Variants in TBCEL observed in about 807,000 individuals in gnomAD.
TBCEL encodes tubulin-specific chaperone cofactor E-like protein.
A neutral mutation model predicts 44.2 loss-of-function variants in TBCEL; 15 were observed. That is an observed-to-expected ratio of 0.34 (90% CI 0.23 to 0.52). TBCEL has a LOEUF of 0.52. Ranked by LOEUF, TBCEL falls within the 20% of genes least tolerant of loss-of-function variation. The pLI is 0.95. For synonymous variants in TBCEL, 171 were observed against 185.4 expected, an observed-to-expected ratio of 0.92 and a Z score of 0.63; for missense variants, 319 against 506.3, an observed-to-expected ratio of 0.63 and a Z score of 3.55.
At chr11:121,082,275 A>G (rs989208544) in intron 8 of TBCEL, among the ~76,000 whole-genome samples, 11 of 152,208 alleles carry the variant, frequency 7.2e-5, no homozygotes, top group African/African-American at 2.7e-4. Context: ...GCTGTTTTCT[A>G]TATCAGAGGC....
chr11:121,025,308 A>G (rs1202570048), intron 1 of TBCEL, among the ~76,000 whole-genome samples: 1 of 152,134 alleles, frequency 6.6e-6, no homozygotes, highest in Non-Finnish European at 1.5e-5. Context: ...ATCTTGAGCA[A>G]AGAGTATGAA....
Position 121,061,616 on chromosome 11 carries a change from T to C in TBCEL, c.956+1531T>C, listed in dbSNP as rs979848206. On this transcript the variant is annotated intron_variant, in intron 8 of 8. Transcript: ENST00000683345. ...AAACCTGTACAGCATGTGACTATAA[T>C]GAATGTTGTAACACAATGGTAAGTA... is the stretch of plus-strand genomic sequence containing the variant. 4.6e-5 allele frequency among the ~76,000 whole-genome samples: 7 copies of C among 152,122 alleles called. 1 individual carries two copies. Among genetic ancestry groups the C allele is most frequent in the Admixed American group, 2.0e-4 (3 of 15,264 alleles).
rs182558366 is a variant in TBCEL, at chr11:121,066,717, T to G, written c.956+6632T>G. The stretch of plus-strand genomic sequence containing the variant: ...ATGTATTTGTTATGAAATAACGATA[T>G]ATAAACAGAGTATTAGTATTATACT... On this transcript the variant is annotated intron_variant, in intron 8 of 8. Transcript: ENST00000683345. 1.1e-3 allele frequency among the ~76,000 whole-genome samples: 160 copies of G among 152,334 alleles called. 1 individual carries two copies. Among genetic ancestry groups the G allele is most frequent in the African/African-American group, 3.4e-3 (140 of 41,582 alleles).
At position 121,050,533 on chromosome 11, in the gene TBCEL, A is replaced by AT. The variant is rs201762650; in HGVS notation, c.273+2875dup. ...GGGCACCTATGTTTAAAAATAATGC[A>AT]TTTTTTTTTAGCTTTTGACTTGAAT... On this transcript the variant is annotated intron_variant, in intron 4 of 8. Transcript: ENST00000683345. Among the ~76,000 whole-genome samples the AT allele has an allele frequency of 1.3e-3, 195 of 150,356 alleles. 3 individuals are homozygous for AT. The East Asian group carries it at 0.025, about 19-fold the overall frequency.
At chr11:121,035,126 G>A (rs1245197568) in intron 1 of TBCEL, 1 of 152,202 alleles carries the variant, frequency 6.6e-6, no homozygotes, top group Non-Finnish European at 1.5e-5. Flanking sequence ...GATGATGGTA[G>A]TAGTAATAGG....
chr11:121,060,420 C>G (rs778740498), intron 8 of TBCEL, among the ~76,000 whole-genome samples: 6 of 151,764 alleles, frequency 4.0e-5, no homozygotes, highest in Non-Finnish European at 8.8e-5. Flanking sequence ...CCAAATTAGT[C>G]TGTTCATTCA....
chr11:121,067,885 G>C (rs1233676717), intron 8 of TBCEL, among the ~76,000 whole-genome samples: 1 of 152,184 alleles, frequency 6.6e-6, no homozygotes, highest in African/African-American at 2.4e-5. Flanking sequence ...GAGGCACTGG[G>C]CTTCAAGCTA....
intron 8 of TBCEL, among the ~76,000 whole-genome samples, chr11:121,075,547 A>G (rs1020133965): frequency 6.6e-6 from 1 of 151,972 alleles, no homozygotes; most frequent in African/African-American, 2.4e-5. Context: ...CAGGAATTTT[A>G]TTAAACTTAT....
intron 7 of TBCEL, 127 bp from the exon 8 acceptor site, chr11:121,059,842 C>A: frequency 1.5e-6 from 1 of 672,586 alleles, no homozygotes; most frequent in Non-Finnish European, 2.5e-6. Context: ...TAGTTGTATA[C>A]AAATGGAACT....
chr11:121,072,735 A>G (rs1466266769), intron 8 of TBCEL, among the ~76,000 whole-genome samples: 1 of 152,058 alleles, frequency 6.6e-6, no homozygotes, highest in Non-Finnish European at 1.5e-5. Context: ...TGATTTGTCT[A>G]TCCTTAACTC....
Position 121,045,836 on chromosome 11 carries a change from G to A in TBCEL, c.133+13G>A, listed in dbSNP as rs758005730. ...TCTCCTATGAAAGGTAAGAAAGATG[G>A]GACCTAAAACACTTATTTAGTGGAG... On this transcript the variant is annotated intron_variant, in intron 3 of 8. Coordinates refer to ENST00000683345, the MANE Select transcript of TBCEL (RefSeq NM_001363644.2). 1.3e-6 allele frequency: 2 copies of A among 1,570,816 alleles called. No homozygotes were observed. The highest frequency in any genetic ancestry group is 1.2e-5 in the South Asian group (1 of 82,686).
intron 8 of TBCEL, among the ~76,000 whole-genome samples, chr11:121,070,645 T>C (rs1451714468): frequency 6.8e-6 from 1 of 146,104 alleles, no homozygotes; most frequent in Non-Finnish European, 1.5e-5. Flanking sequence ...TAAGTGGGAA[T>C]TGAACAATCA....
intron 8 of TBCEL, among the ~76,000 whole-genome samples, chr11:121,081,571 A>G (rs1450179035): frequency 4.6e-5 from 7 of 152,226 alleles, no homozygotes; most frequent in Non-Finnish European, 4.4e-5. Flanking sequence ...AGACATTGGA[A>G]CTAATGCTAA....
At chr11:121,039,675 T>C (rs1462714715) in intron 2 of TBCEL, among the ~76,000 whole-genome samples, 1 of 152,234 alleles carries the variant, frequency 6.6e-6, no homozygotes, top group Non-Finnish European at 1.5e-5. Context: ...GCATTTTTAC[T>C]AAACAATTGG....
At chr11:121,080,799 G>A (rs1946111031) in intron 8 of TBCEL, among the ~76,000 whole-genome samples, 1 of 152,106 alleles carries the variant, frequency 6.6e-6, no homozygotes, top group African/African-American at 2.4e-5. Context: ...CCAGGTCTTG[G>A]GAATCAAGAG....
chr11:121,025,029 G>A (rs1945021375), intron 1 of TBCEL, among the ~76,000 whole-genome samples: 1 of 152,186 alleles, frequency 6.6e-6, no homozygotes, highest in South Asian at 2.1e-4. Context: ...AATTGGTGAA[G>A]AGAGGAGATT....
At chr11:121,079,692 G>GAT (rs1946090008) in intron 8 of TBCEL, among the ~76,000 whole-genome samples, 1 of 152,178 alleles carries the variant, frequency 6.6e-6, no homozygotes, top group Admixed American at 6.5e-5. Context: ...GATGTCCCAG[G>GAT]ATATGATGCC....
intron 2 of TBCEL, among the ~76,000 whole-genome samples, chr11:121,040,831 G>T (rs1945318582): frequency 6.6e-6 from 1 of 152,060 alleles, no homozygotes; most frequent in South Asian, 2.1e-4. Flanking sequence ...GTTCAAAAGG[G>T]TAAACATTGG....
chr11:121,059,640 A>T (rs988781976), intron 7 of TBCEL, among the ~76,000 whole-genome samples: 1 of 151,990 alleles, frequency 6.6e-6, no homozygotes, highest in Admixed American at 6.6e-5. Flanking sequence ...TTTAATTTTT[A>T]TTTTTTAAAA....
Sources: gnomAD v4.1 joint callset for allele counts (sites outside exome capture counted in the v4.1 genomes callset) on GRCh38, gnomAD v4.1.1 for gene constraint, MANE v1.5 for transcripts, NCBI Gene and HGNC (gene_info 2026-07-23, HGNC 2026-07-21) for gene names.